Variants in RPS24 observed in about 807,000 individuals in gnomAD.
The protein encoded by RPS24 is ribosomal protein S24.
For missense variants in RPS24, 100 were observed against 162.5 expected (o/e 0.62, Z 2.09); for synonymous variants, 72 against 55.6 (o/e 1.30, Z -1.31).
downstream of RPS24, among the ~76,000 whole-genome samples, chr10:78,044,895 A>G (rs1057508967): frequency 6.6e-6 from 1 of 151,968 alleles, no homozygotes; most frequent in Non-Finnish European, 1.5e-5. Flanking sequence ...TCCTCCACAC[A>G]GGAAATACTT....
chr10:78,050,196 C>T (rs142958333), intron 4 of RPS24, among the ~76,000 whole-genome samples: 6 of 152,254 alleles, frequency 3.9e-5, no homozygotes, highest in Non-Finnish European at 8.8e-5. Context: ...TTTCTTTGTT[C>T]CCCTTTCTGC....
intron 4 of RPS24, chr10:78,039,303 T>C (rs1286932180): frequency 6.6e-6 from 1 of 152,196 alleles, no homozygotes; most frequent in African/African-American, 2.4e-5. Flanking sequence ...TTTAACACAT[T>C]GATTGTTCTC....
At chr10:78,037,941 T>C in intron 4 of RPS24, 2 of 968,566 alleles carry the variant, frequency 2.1e-6, no homozygotes, top group Non-Finnish European at 2.9e-6. Flanking sequence ...TCCTCTCTAC[T>C]TTCTTGGATT....
intron 4 of RPS24, among the ~76,000 whole-genome samples, chr10:78,050,145 C>CT (rs1848084416): frequency 8.9e-6 from 1 of 112,336 alleles, no homozygotes; most frequent in South Asian, 2.9e-4. Flanking sequence ...CCTTCCCCCT[C>CT]TTTGAGTCTA....
chr10:78,037,927 C>CTTTTTTTTTTTTTTTTTTTTTTT, intron 4 of RPS24: 1 of 243,684 alleles, frequency 4.1e-6, no homozygotes. Context: ...TTTTTTTTTG[C>CTTTTTTTTTTTTTTTTTTTTTTT]TTTTCCTCTC....
intron 4 of RPS24, among the ~76,000 whole-genome samples, chr10:78,048,672 C>T (rs111527371): frequency 1.2e-4 from 18 of 151,966 alleles, no homozygotes; most frequent in Middle Eastern, 6.8e-3. Flanking sequence ...GTCAGGAGTT[C>T]GAGACCAGCT....
At chr10:78,043,153 G>A (rs1330067757), downstream of RPS24, among the ~76,000 whole-genome samples, 3 of 152,034 alleles carry the variant, frequency 2.0e-5, no homozygotes, top group African/African-American at 4.8e-5. Context: ...ACAGGTGCCC[G>A]CCACCATGCC....
At chr10:78,044,109 C>T (rs560400450), downstream of RPS24, among the ~76,000 whole-genome samples, 8 of 152,234 alleles carry the variant, frequency 5.3e-5, no homozygotes, top group South Asian at 1.5e-3. Flanking sequence ...GTATATATAG[C>T]AACAAACTTG....
chr10:78,055,070 C>T (rs1385664506), exon 5 of RPS24: 2 of 1,452,306 alleles, frequency 1.4e-6, no homozygotes, highest in African/African-American at 1.4e-5. Context: ...CCACCTTCTT[C>T]TCCACTCAGC....
At chr10:78,051,406 C>T (rs957603503) in intron 4 of RPS24, among the ~76,000 whole-genome samples, 1 of 152,188 alleles carries the variant, frequency 6.6e-6, no homozygotes, top group East Asian at 1.9e-4. Context: ...ATGTCCACAC[C>T]GTAGCATGTA....
At chr10:78,044,010 CAT>C (rs1299997584), downstream of RPS24, among the ~76,000 whole-genome samples, 1 of 152,134 alleles carries the variant, frequency 6.6e-6, no homozygotes, top group Non-Finnish European at 1.5e-5. Context: ...AATGTGAATA[CAT>C]GTACGTATTC....
chr10:78,054,607 C>G (rs914531695), exon 5 of RPS24: 1 of 1,551,552 alleles, frequency 6.4e-7, no homozygotes, highest in East Asian at 2.4e-5. Flanking sequence ...GTGAAGAACT[C>G]GAAGGCAAGA....
intron 4 of RPS24, chr10:78,054,512 C>A: frequency 6.6e-7 from 1 of 1,518,132 alleles, no homozygotes; most frequent in Non-Finnish European, 8.9e-7. Context: ...AGACTATTCT[C>A]TCCTTCCCGC....
At chr10:78,046,380 C>T (rs1848044050) in intron 4 of RPS24, among the ~76,000 whole-genome samples, 1 of 133,210 alleles carries the variant, frequency 7.5e-6, no homozygotes, top group Non-Finnish European at 1.5e-5. Flanking sequence ...ATGAGTCTCG[C>T]TCTGTCACCC....
chr10:78,039,825 CTG>C (rs1296596650), intron 4 of RPS24: 2 of 282,840 alleles, frequency 7.1e-6, no homozygotes, highest in African/African-American at 4.4e-5. Context: ...ATTCTCGTAA[CTG>C]TTCCTGGTGT....
downstream of RPS24, among the ~76,000 whole-genome samples, chr10:78,041,413 A>G (rs1426133847): frequency 1.3e-5 from 2 of 152,098 alleles, no homozygotes; most frequent in East Asian, 1.9e-4. Flanking sequence ...TTTCATATCT[A>G]CAGAGGCTGT....
downstream of RPS24, among the ~76,000 whole-genome samples, chr10:78,044,695 TC>T (rs149620928): frequency 1.3e-3 from 199 of 150,616 alleles, 1 homozygote; most frequent in African/African-American, 4.6e-3. Flanking sequence ...GTGCCCACAG[TC>T]TGGATGAGAG....
At chr10:78,033,983 A>T in intron 1 of RPS24, 79 bp downstream of exon 1, 1 of 1,565,490 alleles carries the variant, frequency 6.4e-7, no homozygotes, top group Non-Finnish European at 8.8e-7. Flanking sequence ...TACTTGAGCT[A>T]TAGGCACGCG....
At chr10:78,043,272 G>A (rs1848006462), downstream of RPS24, among the ~76,000 whole-genome samples, 3 of 152,092 alleles carry the variant, frequency 2.0e-5, no homozygotes, top group Admixed American at 2.0e-4. Flanking sequence ...CAAAGTGCTG[G>A]GATTACAGGT....
Sources: gnomAD v4.1 joint callset for allele counts (sites outside exome capture counted in the v4.1 genomes callset) on GRCh38, gnomAD v4.1.1 for gene constraint, MANE v1.5 for transcripts, NCBI Gene and HGNC (gene_info 2026-07-23, HGNC 2026-07-21) for gene names.